The following PLXNA4 variants were observed in gnomAD, a reference collection of about 807,000 sequenced individuals.
The protein encoded by PLXNA4 is plexin A4.
In PLXNA4, 44 loss-of-function variants were observed where a neutral mutation model predicts 191.8. The observed-to-expected ratio is 0.23, with a 90% CI of 0.18 to 0.29. The LOEUF is 0.29. PLXNA4 is among the 10% of genes least tolerant of loss of function. PLXNA4 has a pLI of 1.00. For missense variants in PLXNA4, 1,800 were observed against 2,488.8 expected, an observed-to-expected ratio of 0.72 and a Z score of 5.89; for synonymous variants, 1,082 against 1,009.5, an observed-to-expected ratio of 1.07 and a Z score of -1.36.
chr7:132,503,098 C>A (rs1798322181), intron 2 of PLXNA4, among the ~76,000 whole-genome samples: 1 of 152,214 alleles, frequency 6.6e-6, no homozygotes. Context: ...ATACCCATGG[C>A]TCAATCAGTT....
At chr7:132,308,303 C>A (rs938856882) in intron 3 of PLXNA4, among the ~76,000 whole-genome samples, 3 of 152,172 alleles carry the variant, frequency 2.0e-5, no homozygotes, top group Non-Finnish European at 4.4e-5. Flanking sequence ...AGGTCAGCCA[C>A]CCCGTGACCC....
intron 3 of PLXNA4, among the ~76,000 whole-genome samples, chr7:132,469,102 C>T (rs1369661806): frequency 1.9e-5 from 2 of 104,480 alleles, no homozygotes; most frequent in Non-Finnish European, 3.5e-5. Flanking sequence ...AAATTGAGCT[C>T]GGAAATGCAC....
intron 3 of PLXNA4, among the ~76,000 whole-genome samples, chr7:132,453,780 C>T (rs1796216116): frequency 6.6e-6 from 1 of 152,178 alleles, no homozygotes; most frequent in East Asian, 1.9e-4. Context: ...GACTTTGTGA[C>T]CTGCTCACCT....
intron 15 of PLXNA4, among the ~76,000 whole-genome samples, chr7:132,185,866 G>T (rs1796862843): frequency 6.6e-6 from 1 of 152,132 alleles, no homozygotes; most frequent in African/African-American, 2.4e-5. Context: ...CATTCACTGA[G>T]CCCCTTATTC....
chr7:132,573,624 T>C (rs1261567379), intron 1 of PLXNA4, among the ~76,000 whole-genome samples: 2 of 137,068 alleles, frequency 1.5e-5, no homozygotes, highest in Non-Finnish European at 3.3e-5. Flanking sequence ...CTGCAGGGAG[T>C]AGCAGCAGCA....
intron 2 of PLXNA4, among the ~76,000 whole-genome samples, chr7:132,624,053 T>C (rs554984652): frequency 6.6e-6 from 1 of 152,234 alleles, no homozygotes; most frequent in Non-Finnish European, 1.5e-5. Flanking sequence ...TTCCCTTATA[T>C]TGTCTCATTC....
chr7:132,506,397 G>T (rs577266826), intron 2 of PLXNA4, among the ~76,000 whole-genome samples: 1 of 152,206 alleles, frequency 6.6e-6, no homozygotes, highest in African/African-American at 2.4e-5. Flanking sequence ...ACATCAGTAT[G>T]GATGCGTACT....
chr7:132,286,048 A>G (rs1043827910), intron 4 of PLXNA4, among the ~76,000 whole-genome samples: 2 of 152,194 alleles, frequency 1.3e-5, no homozygotes, highest in African/African-American at 4.8e-5. Flanking sequence ...GTGCCCTTCA[A>G]ACTGACATCT....
chr7:132,410,078 G>A (rs1404030503), intron 3 of PLXNA4, among the ~76,000 whole-genome samples: 6 of 152,214 alleles, frequency 3.9e-5, no homozygotes, highest in African/African-American at 1.4e-4. Context: ...AATGTAATAA[G>A]GAGGAATTTA....
At chr7:132,564,009 T>TCTC (rs1210459974) in intron 1 of PLXNA4, among the ~76,000 whole-genome samples, 1 of 28,154 alleles carries the variant, frequency 3.6e-5, no homozygotes, top group African/African-American at 1.4e-4. Flanking sequence ...TCCTCCTCCT[T>TCTC]CTCCTCCTCC....
intron 3 of PLXNA4, among the ~76,000 whole-genome samples, chr7:132,377,502 A>G (rs1804708422): frequency 6.6e-6 from 1 of 152,060 alleles, no homozygotes; most frequent in Non-Finnish European, 1.5e-5. Flanking sequence ...CTGTGCAGGT[A>G]GGAAAACTGA....
At chr7:132,188,980 AAAGGAAAGGAAAG>A (rs1419959132) in intron 14 of PLXNA4, among the ~76,000 whole-genome samples, 923 of 56,854 alleles carry the variant, frequency 0.016, 11 homozygotes, top group African/African-American at 0.067. Flanking sequence ...AAAGGAAAGG[AAAGGAAAGGAAAG>A]GAGAGAGAGA....
chr7:132,603,276 A>G (rs1438600471), intron 2 of PLXNA4, among the ~76,000 whole-genome samples: 5 of 106,222 alleles, frequency 4.7e-5, no homozygotes, highest in Non-Finnish European at 1.1e-4. Context: ...TGGACTGCAG[A>G]GATTAAGGTG....
intron 5 of PLXNA4, among the ~76,000 whole-genome samples, chr7:132,229,890 C>A (rs1292165773): frequency 1.3e-5 from 2 of 152,060 alleles, no homozygotes; most frequent in East Asian, 1.9e-4. Flanking sequence ...ATGGGGGTTT[C>A]TCCTCCTAAC....
intron 3 of PLXNA4, among the ~76,000 whole-genome samples, chr7:132,436,934 C>A (rs1795493422): frequency 6.6e-6 from 1 of 152,154 alleles, no homozygotes; most frequent in Non-Finnish European, 1.5e-5. Context: ...TCAGATGCCA[C>A]CCCTGCAGGA....
At chr7:132,462,133 T>C (rs1796530824) in intron 3 of PLXNA4, among the ~76,000 whole-genome samples, 2 of 152,124 alleles carry the variant, frequency 1.3e-5, no homozygotes, top group East Asian at 1.9e-4. Flanking sequence ...TTAATAAAAA[T>C]TGGAAGTAGG....
intron 6 of PLXNA4, 50 bp downstream of exon 6, chr7:132,228,296 A>G: frequency 6.2e-7 from 1 of 1,609,532 alleles, no homozygotes; most frequent in Non-Finnish European, 8.5e-7. Context: ...TAGTGAGGGG[A>G]GAGTTTTCCT....
intron 1 of PLXNA4, among the ~76,000 whole-genome samples, chr7:132,556,974 A>C (rs1199861505): frequency 6.6e-6 from 1 of 152,240 alleles, no homozygotes; most frequent in Non-Finnish European, 1.5e-5. Context: ...TGACAAACAT[A>C]AATTCAAATT....
chr7:132,138,192 G>A (rs939749509), intron 30 of PLXNA4, among the ~76,000 whole-genome samples: 1 of 152,246 alleles, frequency 6.6e-6, no homozygotes, highest in Non-Finnish European at 1.5e-5. Context: ...TTGTGATGGT[G>A]CAGAAAACCT....
Sources: allele counts gnomAD v4.1 joint callset (sites outside exome capture counted in the v4.1 genomes callset), GRCh38; gene constraint gnomAD v4.1.1; transcripts MANE v1.5; gene names NCBI Gene and HGNC (gene_info 2026-07-23, HGNC 2026-07-21).